The following UST variants were observed in gnomAD, a reference collection of about 807,000 sequenced individuals.
UST encodes uronyl 2-sulfotransferase.
UST carries 21 observed loss-of-function variants against 45.6 expected under a neutral mutation model. That is an observed-to-expected ratio of 0.46 (90% CI 0.33 to 0.66). The LOEUF is 0.66. Among genes scored for constraint, UST ranks in the 30% least tolerant of loss-of-function variants. The pLI is 0.02. For synonymous variants in UST, 215 were observed against 200.6 expected (o/e 1.07, Z -0.61); for missense variants, 463 against 512.4 (o/e 0.90, Z 0.93).
chr6:148,786,275 G>A (rs1333739898), intron 1 of UST, among the ~76,000 whole-genome samples: 1 of 152,004 alleles, frequency 6.6e-6, no homozygotes, highest in East Asian at 1.9e-4. Flanking sequence ...GGATGTGCAG[G>A]TTCGTTACAC....
intron 5 of UST, among the ~76,000 whole-genome samples, chr6:148,969,708 G>A (rs1313714245): frequency 6.6e-6 from 1 of 152,152 alleles, no homozygotes; most frequent in East Asian, 1.9e-4. Context: ...GGAGTCCATA[G>A]AGGCTGCTGT....
intron 1 of UST, among the ~76,000 whole-genome samples, chr6:148,771,660 T>C (rs2114674132): frequency 6.6e-6 from 1 of 152,302 alleles, no homozygotes; most frequent in East Asian, 1.9e-4. Flanking sequence ...AGAGAAGAGA[T>C]GAAGAAGAAA....
At chr6:148,819,507 G>A (rs9403987) in intron 1 of UST, among the ~76,000 whole-genome samples, 38,512 of 152,114 alleles carry the variant, frequency 0.25, 5,940 homozygotes, top group East Asian at 0.53. Context: ...AATCTCTTAC[G>A]TTACTTTTTC....
intron 5 of UST, among the ~76,000 whole-genome samples, chr6:148,998,497 A>C (rs1335994386): frequency 6.6e-6 from 1 of 152,208 alleles, no homozygotes; most frequent in Non-Finnish European, 1.5e-5. Flanking sequence ...CAGAGCACAA[A>C]AAAGTTAAAA....
intron 7 of UST, among the ~76,000 whole-genome samples, chr6:149,068,570 G>A (rs557975587): frequency 6.6e-6 from 1 of 152,224 alleles, no homozygotes; most frequent in African/African-American, 2.4e-5. Flanking sequence ...ATATGTCCTG[G>A]TTCTTTTCAC....
chr6:148,756,013 C>A (rs1309208425), intron 1 of UST, among the ~76,000 whole-genome samples: 6 of 137,892 alleles, frequency 4.4e-5, no homozygotes, highest in East Asian at 2.4e-4. Flanking sequence ...CCCCTCCCCC[C>A]ACCCCACGAC....
At chr6:148,935,651 T>G (rs1780010165) in intron 2 of UST, among the ~76,000 whole-genome samples, 1 of 152,234 alleles carries the variant, frequency 6.6e-6, no homozygotes, top group Admixed American at 6.5e-5. Context: ...CATTTTACTA[T>G]AACTTACTGC....
chr6:149,058,974 A>G (rs1776614092), intron 7 of UST, among the ~76,000 whole-genome samples: 1 of 152,246 alleles, frequency 6.6e-6, no homozygotes. Context: ...ACCGTAGCAC[A>G]TACTTTCAAA....
chr6:148,897,020 C>T (rs758727046), intron 2 of UST, among the ~76,000 whole-genome samples: 11 of 152,174 alleles, frequency 7.2e-5, no homozygotes, highest in Non-Finnish European at 1.3e-4. Flanking sequence ...TAGCACCCAG[C>T]AATGGGTCCT....
chr6:148,789,584 C>G (rs1424213067), intron 1 of UST, among the ~76,000 whole-genome samples: 4 of 152,098 alleles, frequency 2.6e-5, no homozygotes, highest in Non-Finnish European at 5.9e-5. Flanking sequence ...GAGTCTCACT[C>G]TGTCACCCAG....
At chr6:148,774,991 C>G (rs889609511) in intron 1 of UST, among the ~76,000 whole-genome samples, 12 of 152,000 alleles carry the variant, frequency 7.9e-5, no homozygotes, top group African/African-American at 2.2e-4. Context: ...ACACTCCAGC[C>G]TGGAGTCTGA....
chr6:148,989,594 C>T (rs1463982810), intron 5 of UST, among the ~76,000 whole-genome samples: 1 of 152,166 alleles, frequency 6.6e-6, no homozygotes. Context: ...GCAAAAGTGC[C>T]AAAGGAGATC....
chr6:148,930,104 T>C (rs1389909629), intron 2 of UST, among the ~76,000 whole-genome samples: 1 of 152,236 alleles, frequency 6.6e-6, no homozygotes. Flanking sequence ...CCGTGTTCTC[T>C]GTGACCCCTT....
At chr6:148,775,927 C>T (rs927137473) in intron 1 of UST, among the ~76,000 whole-genome samples, 36 of 152,020 alleles carry the variant, frequency 2.4e-4, no homozygotes, top group African/African-American at 8.0e-4. Context: ...CCACTGCGCC[C>T]GGCCTGGTAA....
intron 2 of UST, among the ~76,000 whole-genome samples, chr6:148,929,676 G>T (rs958169544): frequency 6.6e-6 from 1 of 152,092 alleles, no homozygotes; most frequent in African/African-American, 2.4e-5. Flanking sequence ...TTTGAGTTTC[G>T]TTGGGTTTTT....
rs371046734 is a variant in UST, at chr6:149,045,805, T to C, written c.937+24324T>C. On this transcript the variant is annotated intron_variant, in intron 7 of 7. Transcript: ENST00000367463. Reference sequence around the variant, plus strand: ...TTAATCATCTATGTAGGATTTTGTGTTTTATTTATTTAAAGGGATGCAGAT... The same window carrying C: ...TTAATCATCTATGTAGGATTTTGTGCTTTATTTATTTAAAGGGATGCAGAT... Among the ~76,000 whole-genome samples the C allele has an allele frequency of 3.3e-5, 5 of 152,314 alleles. 1 individual carries two copies. The highest frequency in any genetic ancestry group is 2.0e-4 in the Admixed American group (3 of 15,306).
chr6:148,783,182 C>T (rs934003874), intron 1 of UST, among the ~76,000 whole-genome samples: 2 of 152,120 alleles, frequency 1.3e-5, no homozygotes, highest in Admixed American at 6.5e-5. Flanking sequence ...TAAGCATTTA[C>T]AATTTTTATA....
chr6:149,055,714 A>G (rs189204261), intron 7 of UST, among the ~76,000 whole-genome samples: 93 of 152,144 alleles, frequency 6.1e-4, no homozygotes, highest in South Asian at 1.9e-3. Context: ...TTTCCCCTTT[A>G]TCACTCCCAC....
intron 2 of UST, among the ~76,000 whole-genome samples, chr6:148,906,415 A>G (rs1779361583): frequency 6.6e-6 from 1 of 152,230 alleles, no homozygotes; most frequent in Non-Finnish European, 1.5e-5. Flanking sequence ...GGGTGAATAT[A>G]GCAAAAAGTG....
Sources: gnomAD v4.1 joint callset for allele counts (sites outside exome capture counted in the v4.1 genomes callset) on GRCh38, gnomAD v4.1.1 for gene constraint, MANE v1.5 for transcripts, NCBI Gene and HGNC (gene_info 2026-07-23, HGNC 2026-07-21) for gene names.